CAMTA1: variants seen among roughly 807,000 people sequenced by gnomAD.
CAMTA1 encodes the protein calmodulin binding transcription activator 1.
A neutral mutation model predicts 170.9 loss-of-function variants in CAMTA1; 27 were observed. The observed-to-expected ratio is 0.16, with a 90% CI of 0.12 to 0.22. CAMTA1 has a LOEUF of 0.22. CAMTA1 is among the 10% of genes least tolerant of loss of function. The pLI, the probability that CAMTA1 is intolerant of heterozygous loss-of-function variation, is 1.00. For synonymous variants in CAMTA1, 833 were observed against 891.5 expected (o/e 0.93, Z 1.17); for missense variants, 1,619 against 2,217.2 (o/e 0.73, Z 5.42).
intron 3 of CAMTA1, among the ~76,000 whole-genome samples, chr1:7,029,500 A>G (rs1270626869): frequency 6.6e-6 from 1 of 151,134 alleles, no homozygotes; most frequent in African/African-American, 2.4e-5. Flanking sequence ...AAAAAAAAAA[A>G]AAAAAAAAAA....
At chr1:7,691,435 G>T (rs548467011) in intron 11 of CAMTA1, among the ~76,000 whole-genome samples, 3 of 152,276 alleles carry the variant, frequency 2.0e-5, no homozygotes, top group African/African-American at 7.2e-5. Flanking sequence ...CTGAAGAAGC[G>T]CACATGGCAG....
At chr1:7,273,328 C>G (rs1418641753) in intron 5 of CAMTA1, among the ~76,000 whole-genome samples, 1 of 152,182 alleles carries the variant, frequency 6.6e-6, no homozygotes, top group Admixed American at 6.5e-5. Flanking sequence ...CAAAACAACT[C>G]AAATGTCCAC....
At chr1:7,033,588 C>CTTTTTTT (rs34282545) in intron 3 of CAMTA1, among the ~76,000 whole-genome samples, 30 of 95,114 alleles carry the variant, frequency 3.2e-4, no homozygotes, top group Admixed American at 8.4e-4. Flanking sequence ...TGTAAATATT[C>CTTTTTTT]TTTTTTTTTT....
At chr1:7,761,756 T>A (rs1462901949) in intron 22 of CAMTA1, among the ~76,000 whole-genome samples, 1 of 152,218 alleles carries the variant, frequency 6.6e-6, no homozygotes. Flanking sequence ...CAAAATTGAA[T>A]TTTTTTCCTT....
intron 5 of CAMTA1, among the ~76,000 whole-genome samples, chr1:7,280,812 G>C (rs1671398620): frequency 6.6e-6 from 1 of 152,226 alleles, no homozygotes; most frequent in Non-Finnish European, 1.5e-5. Context: ...TTAGCGTCTG[G>C]AAGGATAGGA....
intron 5 of CAMTA1, among the ~76,000 whole-genome samples, chr1:7,467,439 G>C (rs2149539362): frequency 6.6e-6 from 1 of 152,316 alleles, no homozygotes; most frequent in Middle Eastern, 3.4e-3. Context: ...GTAACCATCA[G>C]CCATTCCCTG....
chr1:6,875,606 G>A (rs901241937), intron 3 of CAMTA1, among the ~76,000 whole-genome samples: 4 of 152,084 alleles, frequency 2.6e-5, no homozygotes, highest in South Asian at 4.1e-4. Context: ...ATGCAACAGC[G>A]CCCCTAACTT....
At chr1:7,233,371 G>T (rs754033975) in intron 4 of CAMTA1, among the ~76,000 whole-genome samples, 2 of 152,116 alleles carry the variant, frequency 1.3e-5, no homozygotes, top group Non-Finnish European at 2.9e-5. Flanking sequence ...CTGGGATGGG[G>T]CTTACGTGAC....
intron 5 of CAMTA1, among the ~76,000 whole-genome samples, chr1:7,310,704 T>TCTCTC (rs748448606): frequency 8.9e-4 from 31 of 34,750 alleles, no homozygotes; most frequent in East Asian, 4.5e-3. Flanking sequence ...CTCTCTCTCT[T>TCTCTC]TCTTTCTTTC....
At chr1:7,612,055 A>AT (rs1464349414) in intron 6 of CAMTA1, among the ~76,000 whole-genome samples, 1 of 152,224 alleles carries the variant, frequency 6.6e-6, no homozygotes, top group Non-Finnish European at 1.5e-5. Context: ...GTTACAATTA[A>AT]TGCTGTTTTG....
chr1:6,907,332 C>T (rs1474241656), intron 3 of CAMTA1, among the ~76,000 whole-genome samples: 9 of 152,240 alleles, frequency 5.9e-5, no homozygotes, highest in South Asian at 2.1e-4. Context: ...ACATGGCAAA[C>T]GAACTTGCAG....
chr1:7,213,778 G>A (rs1054545026), intron 4 of CAMTA1, among the ~76,000 whole-genome samples: 1 of 151,774 alleles, frequency 6.6e-6, no homozygotes, highest in African/African-American at 2.4e-5. Context: ...CCCACAACAG[G>A]CCCCTGTGTG....
intron 3 of CAMTA1, among the ~76,000 whole-genome samples, chr1:7,004,483 C>T (rs1309221413): frequency 6.6e-6 from 1 of 152,112 alleles, no homozygotes; most frequent in Non-Finnish European, 1.5e-5. Flanking sequence ...TCTCATAATC[C>T]CACGGAGCCT....
At chr1:7,623,590 C>G (rs2095613438) in intron 6 of CAMTA1, among the ~76,000 whole-genome samples, 1 of 152,230 alleles carries the variant, frequency 6.6e-6, no homozygotes, top group South Asian at 2.1e-4. Context: ...CCTCTGCCTC[C>G]TGGGTTCAAG....
At chr1:7,660,731 T>C (rs1207986659) in intron 7 of CAMTA1, among the ~76,000 whole-genome samples, 1 of 152,112 alleles carries the variant, frequency 6.6e-6, no homozygotes, top group Non-Finnish European at 1.5e-5. Context: ...AGGAAGGACA[T>C]TGCTCTTGTA....
intron 5 of CAMTA1, among the ~76,000 whole-genome samples, chr1:7,269,099 T>A (rs905808112): frequency 2.0e-5 from 3 of 152,178 alleles, no homozygotes; most frequent in African/African-American, 7.2e-5. Context: ...TTTCTGAGGG[T>A]CAGGAATCCA....
chr1:7,711,353 A>G (rs911443316), intron 11 of CAMTA1, among the ~76,000 whole-genome samples: 6 of 152,188 alleles, frequency 3.9e-5, no homozygotes, highest in Non-Finnish European at 7.4e-5. Context: ...CTAGGAAGAC[A>G]TAACATTCAG....
intron 3 of CAMTA1, among the ~76,000 whole-genome samples, chr1:6,920,435 T>C (rs770349857): frequency 2.7e-4 from 41 of 152,130 alleles, no homozygotes; most frequent in Non-Finnish European, 4.6e-4. Flanking sequence ...TGTTGTTGAG[T>C]GTCTGTGGCT....
intron 6 of CAMTA1, among the ~76,000 whole-genome samples, chr1:7,604,750 G>T (rs544488782): frequency 6.6e-6 from 1 of 152,188 alleles, no homozygotes; most frequent in Non-Finnish European, 1.5e-5. Context: ...GAGGAGGAGA[G>T]GTGCTCTGAT....
Sources: allele counts gnomAD v4.1 joint callset (sites outside exome capture counted in the v4.1 genomes callset), GRCh38; gene constraint gnomAD v4.1.1; transcripts MANE v1.5; gene names NCBI Gene and HGNC (gene_info 2026-07-23, HGNC 2026-07-21).